Variants in KIF13B observed in about 807,000 individuals in gnomAD.
The protein encoded by KIF13B is kinesin-like protein KIF13B.
Under a neutral mutation model 222.0 loss-of-function variants are expected in KIF13B, and 127 were observed. The observed-to-expected ratio is 0.57, with a 90% CI of 0.50 to 0.66. The LOEUF (loss-of-function observed/expected upper bound fraction) is 0.66, where lower values mean the gene tolerates loss of function less well. Ranked by LOEUF, KIF13B falls within the 30% of genes least tolerant of loss-of-function variation. The pLI, the probability that KIF13B is intolerant of heterozygous loss-of-function variation, is 0.00. For missense variants in KIF13B, 2,173 were observed against 2,379.0 expected (o/e 0.91, Z 1.80); for synonymous variants, 976 against 919.0 (o/e 1.06, Z -1.12).
chr8:29,122,928 T>C (rs1809942052), intron 28 of KIF13B, among the ~76,000 whole-genome samples: 1 of 152,240 alleles, frequency 6.6e-6, no homozygotes, highest in African/African-American at 2.4e-5. Context: ...ACTTAAGGGC[T>C]TCCTCTGGCT....
intron 26 of KIF13B, among the ~76,000 whole-genome samples, chr8:29,125,158 A>C (rs899094517): frequency 1.3e-5 from 2 of 152,242 alleles, no homozygotes; most frequent in African/African-American, 2.4e-5. Context: ...AGGCTCTTGA[A>C]GACAACATGT....
intron 5 of KIF13B, 96 bp from the exon 6 acceptor site, chr8:29,186,568 C>A: frequency 2.1e-6 from 2 of 951,190 alleles, no homozygotes; most frequent in Non-Finnish European, 3.1e-6. Context: ...GGCAAAACGC[C>A]AAAATGCAGT....
intron 26 of KIF13B, 106 bp from the exon 27 acceptor site, chr8:29,124,229 A>G (rs1325334471): frequency 3.2e-6 from 2 of 634,660 alleles, no homozygotes; most frequent in Non-Finnish European, 5.4e-6. Context: ...AAGGTAAGGT[A>G]GTATACAATA....
chr8:29,158,423 G>A (rs569933662), intron 13 of KIF13B, among the ~76,000 whole-genome samples: 126 of 152,310 alleles, frequency 8.3e-4, no homozygotes, highest in Non-Finnish European at 1.5e-3. Flanking sequence ...TGATTCTGAA[G>A]TATGCTACTA....
intron 19 of KIF13B, 166 bp from the exon 20 acceptor site, chr8:29,140,783 C>T (rs1810783880): frequency 1.6e-6 from 1 of 616,524 alleles, no homozygotes; most frequent in South Asian, 2.2e-5. Context: ...AAGCACAGCG[C>T]TGTATTACTC....
At chr8:29,261,155 A>G (rs1393742464) in intron 1 of KIF13B, among the ~76,000 whole-genome samples, 2 of 152,208 alleles carry the variant, frequency 1.3e-5, no homozygotes, top group African/African-American at 4.8e-5. Flanking sequence ...ACTTTACACC[A>G]AATAATGCAC....
At chr8:29,104,184 T>C (rs1478258292) in intron 35 of KIF13B, among the ~76,000 whole-genome samples, 1 of 151,772 alleles carries the variant, frequency 6.6e-6, no homozygotes, top group East Asian at 1.9e-4. Context: ...CCCCACACTG[T>C]CCCCACTATC....
Position 29,155,860 on chromosome 8 carries a change from A to C in KIF13B, c.1405-4T>G. 1 of 1,562,002 alleles carries C rather than the reference A, an allele frequency of 6.4e-7. No individual in the cohort carries two copies. The highest frequency in any genetic ancestry group is 8.7e-7 in the Non-Finnish European group (1 of 1,149,222). On this transcript the variant is annotated splice_polypyrimidine_tract_variant and splice_region_variant and intron_variant, in intron 13 of 39. Coordinates refer to ENST00000524189, the MANE Select transcript of KIF13B (RefSeq NM_015254.4). Reference sequence around the variant, plus strand: ...CTGACCCTATCAATGTATGTTCCTAAGAAAAAACCAAATTCACTGATTAAT... The same window carrying C: ...CTGACCCTATCAATGTATGTTCCTACGAAAAAACCAAATTCACTGATTAAT...
At chr8:29,200,068 G>A (rs1201820148) in intron 2 of KIF13B, among the ~76,000 whole-genome samples, 1 of 151,864 alleles carries the variant, frequency 6.6e-6, no homozygotes, top group Admixed American at 6.6e-5. Context: ...AGAATCCATG[G>A]GACTAACCTG....
chr8:29,193,439 G>C (rs1042828086), intron 3 of KIF13B, among the ~76,000 whole-genome samples: 1 of 152,180 alleles, frequency 6.6e-6, no homozygotes, highest in African/African-American at 2.4e-5. Flanking sequence ...AGCAGAGTAG[G>C]AGTAAATAAA....
intron 16 of KIF13B, 106 bp downstream of exon 16, chr8:29,148,469 GCA>G (rs1811157678): frequency 1.5e-6 from 1 of 645,644 alleles, no homozygotes; most frequent in Non-Finnish European, 2.4e-6. Context: ...TTATTCACGG[GCA>G]CAGTCTCAGC....
In KIF13B at chr8:29,071,169, G is replaced by A. The variant is rs189541398; in HGVS notation, c.5219-403C>T. Among the ~76,000 whole-genome samples the A allele has an allele frequency of 2.3e-3, 346 of 152,296 alleles. 1 individual carries two copies. Among genetic ancestry groups the A allele is most frequent in the African/African-American group, 8.2e-3 (339 of 41,556 alleles). ...GCCTGGGCTGGGTGGCGGGAGAATG[G>A]TTCTTTTGCTGAATCTATGAAATGG... On this transcript the variant is annotated intron_variant, in intron 39 of 39. Coordinates refer to ENST00000524189, the MANE Select transcript of KIF13B (RefSeq NM_015254.4). The surrounding 1 kb of genome is among the most constrained non-coding windows in gnomAD (Gnocchi z 4.9).
In KIF13B at chr8:29,186,407, T is replaced by C. The variant is rs1471126219; in HGVS notation, c.382A>G (p.Ser128Gly). 3 of 1,613,832 alleles carry C rather than the reference T, an allele frequency of 1.9e-6. No individual in the cohort carries two copies. Among genetic ancestry groups the C allele is most frequent in the Non-Finnish European group, 8.5e-7 (1 of 1,179,830 alleles). ...TTCTGAGTTCGTTCAAAGAGTCCAC[T>C]GCAAAGTCTTGGGATTAATCCAGGT... The part of the protein sequence containing the change: ...DQPGLIPRLC[S>G]GLFERTQKEE... Residue 128 changes from serine (S) to glycine (G), a missense_variant, in exon 6 of 40, where the codon AGT (serine) becomes GGT (glycine). By Grantham distance (56) the Ser-to-Gly change is moderately conservative. This residue lies in a region of KIF13B where 1,480 missense variants were observed against 1,722.8 expected (regional missense o/e 0.86). Coordinates refer to ENST00000524189, the MANE Select transcript of KIF13B (RefSeq NM_015254.4).
chr8:29,075,311 G>A lies in KIF13B; in HGVS notation c.4491C>T (p.Ser1497=). The A allele has an allele frequency of 1.3e-6, 2 of 1,559,148 alleles. No homozygotes were observed. The highest frequency in any genetic ancestry group is 8.7e-7 in the Non-Finnish European group (1 of 1,151,024). Residue 1497 remains serine, a synonymous_variant, in exon 38 of 40, where the codon AGC becomes AGT. Coordinates refer to ENST00000524189, the MANE Select transcript of KIF13B (RefSeq NM_015254.4). ...PVPRIMVQSA[S]PDIRVTRMEE... The stretch of plus-strand genomic sequence containing the variant: ...CCATCCTGGTCACCCTGATGTCCGG[G>A]CTGGCTGACTGCACCATGATGCGGG...
intron 18 of KIF13B, 90 bp downstream of exon 18, chr8:29,146,288 A>G (rs1811054494): frequency 3.7e-6 from 5 of 1,349,810 alleles, no homozygotes; most frequent in Non-Finnish European, 5.3e-6. Context: ...GCAGGCACAG[A>G]CAGGGATCTG....
At chr8:29,104,404 G>A (rs1808949593) in intron 35 of KIF13B, among the ~76,000 whole-genome samples, 1 of 152,036 alleles carries the variant, frequency 6.6e-6, no homozygotes, top group African/African-American at 2.4e-5. Context: ...CAACCCATCT[G>A]TGTCTCTCGT....
chr8:29,232,804 G>C (rs1167245298), intron 2 of KIF13B, among the ~76,000 whole-genome samples: 2 of 152,106 alleles, frequency 1.3e-5, no homozygotes, highest in African/African-American at 4.8e-5. Flanking sequence ...TAGACACAGA[G>C]ACTCCATAGC....
chr8:29,146,228 G>C (rs1811052202), intron 18 of KIF13B, 150 bp downstream of exon 18: 1 of 744,780 alleles, frequency 1.3e-6, no homozygotes, highest in African/African-American at 1.7e-5. Context: ...GAATGGAAAA[G>C]GAAGTCAATT....
intron 1 of KIF13B, among the ~76,000 whole-genome samples, chr8:29,260,209 A>C (rs938863952): frequency 1.3e-5 from 2 of 152,150 alleles, no homozygotes; most frequent in African/African-American, 4.8e-5. Flanking sequence ...GATAACTGTT[A>C]AATAATAAAT....
Sources: gnomAD v4.1 joint callset for allele counts (sites outside exome capture counted in the v4.1 genomes callset) on GRCh38, gnomAD v4.1.1 for gene constraint, gnomAD v4.1.1 regional missense constraint, Gnocchi (gnomAD v3.1) non-coding constraint, MANE v1.5 for transcripts, NCBI Gene and HGNC (gene_info 2026-07-23, HGNC 2026-07-21) for gene names.